The following PHACTR1 variants were observed in gnomAD, a reference collection of about 807,000 sequenced individuals.
PHACTR1 encodes RPEL repeat containing 1.
Under a neutral mutation model 69.2 loss-of-function variants are expected in PHACTR1, and 16 were observed. The ratio of observed to expected loss-of-function variants is 0.23; its 90% confidence interval spans 0.16 to 0.35. The LOEUF (loss-of-function observed/expected upper bound fraction) is 0.35, where lower values mean the gene tolerates loss of function less well. Ranked by LOEUF, PHACTR1 falls within the 10% of genes least tolerant of loss-of-function variation. The pLI, the probability that PHACTR1 is intolerant of heterozygous loss-of-function variation, is 1.00. For missense variants in PHACTR1, 510 were observed against 734.7 expected (o/e 0.69, Z 3.54); for synonymous variants, 312 against 284.5 (o/e 1.10, Z -0.97).
chr6:13,037,402 C>T (rs997062514), intron 4 of PHACTR1, among the ~76,000 whole-genome samples: 3 of 152,150 alleles, frequency 2.0e-5, no homozygotes, highest in East Asian at 1.9e-4. Context: ...CTAGGAAGCT[C>T]ATGGTCTGGT....
chr6:12,968,595 T>C lies in PHACTR1; in HGVS notation c.251-84770T>C, dbSNP rs148321703. On this transcript the variant is annotated intron_variant, in intron 4 of 14. Transcript: ENST00000332995. Reference sequence around the variant, plus strand: ...CCCTTGAAAACATCATTCTACTTTCTGTCTGAATTAAGGAGTAACTAAATT... The same window carrying C: ...CCCTTGAAAACATCATTCTACTTTCCGTCTGAATTAAGGAGTAACTAAATT... 6.0e-4 allele frequency among the ~76,000 whole-genome samples: 91 copies of C among 152,374 alleles called. 3 individuals carry two copies. In the East Asian group the frequency reaches 0.016, roughly 27 times the overall value.
intron 8 of PHACTR1, among the ~76,000 whole-genome samples, chr6:13,217,104 A>G (rs995239202): frequency 6.6e-6 from 1 of 152,194 alleles, no homozygotes; most frequent in Non-Finnish European, 1.5e-5. Flanking sequence ...TATTTTAATA[A>G]ATTAGTGGGT....
At chr6:12,730,818 C>T (rs1386514173) in intron 3 of PHACTR1, among the ~76,000 whole-genome samples, 2 of 152,044 alleles carry the variant, frequency 1.3e-5, no homozygotes, top group Non-Finnish European at 2.9e-5. Context: ...GTGTTCTCAT[C>T]ATTTAGCTCC....
At position 12,831,651 on chromosome 6, in the gene PHACTR1, G is replaced by C. The variant is rs1777599283; in HGVS notation, c.250+81861G>C. ...TCTGAAATTGTTCTATGTTTCATCA[G>C]ATTCCTTGACTGACACAACAAGAAT... is the stretch of plus-strand genomic sequence containing the variant. On this transcript the variant is annotated intron_variant, in intron 4 of 14. Coordinates refer to ENST00000332995, the MANE Select transcript of PHACTR1 (RefSeq NM_030948.6). Among the ~76,000 whole-genome samples the C allele has an allele frequency of 2.0e-5, 3 of 152,238 alleles. No homozygotes were observed. The South Asian group carries it at 6.2e-4, about 32-fold the overall frequency.
chr6:13,209,068 G>A (rs547734294), intron 8 of PHACTR1, among the ~76,000 whole-genome samples: 1 of 152,226 alleles, frequency 6.6e-6, no homozygotes, highest in African/African-American at 2.4e-5. Context: ...TGACAAGATT[G>A]CCACCCCAGA....
At chr6:12,878,074 A>C (rs1000499405) in intron 4 of PHACTR1, among the ~76,000 whole-genome samples, 2 of 152,218 alleles carry the variant, frequency 1.3e-5, no homozygotes, top group African/African-American at 4.8e-5. Context: ...CTTTGAGGCC[A>C]AAATCATGCT....
intron 4 of PHACTR1, among the ~76,000 whole-genome samples, chr6:13,009,821 A>G (rs1799233372): frequency 6.6e-6 from 1 of 151,624 alleles, no homozygotes; most frequent in Non-Finnish European, 1.5e-5. Context: ...TCCCCACCCC[A>G]TGAACTCCTA....
At chr6:12,937,440 C>G (rs1789586965) in intron 4 of PHACTR1, among the ~76,000 whole-genome samples, 1 of 152,068 alleles carries the variant, frequency 6.6e-6, no homozygotes, top group Non-Finnish European at 1.5e-5. Context: ...CCTCCACCTC[C>G]TGGGTTCAAG....
intron 8 of PHACTR1, among the ~76,000 whole-genome samples, chr6:13,221,477 T>C (rs1768619492): frequency 6.6e-6 from 1 of 152,018 alleles, no homozygotes; most frequent in Admixed American, 6.6e-5. Flanking sequence ...TTTGCAACCA[T>C]TGGGGGACCA....
At chr6:13,091,992 G>A (rs997652573) in intron 5 of PHACTR1, among the ~76,000 whole-genome samples, 1 of 152,106 alleles carries the variant, frequency 6.6e-6, no homozygotes, top group Non-Finnish European at 1.5e-5. Context: ...TAGAGACGGG[G>A]TTTCACTGTG....
chr6:12,859,641 T>C (rs55879442), intron 4 of PHACTR1, among the ~76,000 whole-genome samples: 9,178 of 152,256 alleles, frequency 0.06, 410 homozygotes, highest in Admixed American at 0.1. Flanking sequence ...TCAAGAACCG[T>C]GTGTGCAAGG....
intron 4 of PHACTR1, among the ~76,000 whole-genome samples, chr6:12,903,068 G>A (rs1348987283): frequency 6.6e-6 from 1 of 152,200 alleles, no homozygotes; most frequent in African/African-American, 2.4e-5. Flanking sequence ...GACAAAGTGT[G>A]GTGGTGAAGA....
At chr6:13,101,598 A>G (rs1815170938) in intron 5 of PHACTR1, among the ~76,000 whole-genome samples, 1 of 152,226 alleles carries the variant, frequency 6.6e-6, no homozygotes, top group Non-Finnish European at 1.5e-5. Context: ...AAGAACCTCT[A>G]GTTATGTAAC....
chr6:13,066,157 G>C (rs534304392), intron 5 of PHACTR1, among the ~76,000 whole-genome samples: 1 of 152,090 alleles, frequency 6.6e-6, no homozygotes, highest in Non-Finnish European at 1.5e-5. Flanking sequence ...AGATGTAATT[G>C]TTTCTTCTCA....
chr6:13,089,991 A>T (rs1812962471), intron 5 of PHACTR1, among the ~76,000 whole-genome samples: 1 of 152,224 alleles, frequency 6.6e-6, no homozygotes, highest in Admixed American at 6.5e-5. Context: ...GTAAGCCGAA[A>T]TGCCAGAAGC....
chr6:13,192,831 G>A (rs148629998), intron 7 of PHACTR1, among the ~76,000 whole-genome samples: 2 of 152,312 alleles, frequency 1.3e-5, no homozygotes, highest in African/African-American at 4.8e-5. Flanking sequence ...GGCTTTGTGA[G>A]GGAGAGAAGC....
chr6:13,160,347 T>C (rs984655344), intron 6 of PHACTR1, 63 bp downstream of exon 6: 4 of 1,362,610 alleles, frequency 2.9e-6, no homozygotes, highest in Non-Finnish European at 4.2e-6. Context: ...GCATGCATAT[T>C]GCTTGGAGTT....
At chr6:13,004,334 A>G (rs923026700) in intron 4 of PHACTR1, among the ~76,000 whole-genome samples, 2 of 151,912 alleles carry the variant, frequency 1.3e-5, no homozygotes, top group Non-Finnish European at 2.9e-5. Context: ...CTGGTGTGAG[A>G]TGGTATCTTA....
chr6:13,158,239 C>T (rs1461295544), intron 5 of PHACTR1, among the ~76,000 whole-genome samples: 6 of 152,162 alleles, frequency 3.9e-5, no homozygotes, highest in Admixed American at 3.3e-4. Flanking sequence ...ATGCAATTCC[C>T]TGTCCCTTCT....
Sources: allele counts gnomAD v4.1 joint callset (sites outside exome capture counted in the v4.1 genomes callset), GRCh38; gene constraint gnomAD v4.1.1; transcripts MANE v1.5; gene names NCBI Gene and HGNC (gene_info 2026-07-23, HGNC 2026-07-21).